The following FGFRL1 variants were observed in gnomAD, a reference collection of about 807,000 sequenced individuals.
FGFRL1 encodes fibroblast growth factor receptor-like 1.
FGFRL1 carries 24 observed loss-of-function variants against 36.8 expected under a neutral mutation model. The observed-to-expected ratio is 0.65, with a 90% confidence interval of 0.47 to 0.92. FGFRL1 has a LOEUF of 0.92. FGFRL1 is among the 40% of genes least tolerant of loss of function. The probability of loss-of-function intolerance (pLI) is 0.00; values close to 1 mark genes in which losing one functional copy is unlikely to be tolerated. For synonymous variants in FGFRL1, 422 were observed against 344.1 expected (o/e 1.23, Z -2.50); for missense variants, 785 against 753.4 (o/e 1.04, Z -0.49).
chr4:1,011,595 TC>T (rs201624016), upstream of FGFRL1, among the ~76,000 whole-genome samples: 11 of 11,894 alleles, frequency 9.2e-4, no homozygotes, highest in Admixed American at 3.2e-3. Context: ...CGGGGGCGGG[TC>T]GGGGGTCCGG....
At position 1,023,711 on chromosome 4, in the gene FGFRL1, C is replaced by T; in HGVS notation, c.423C>T (p.Ser141=). The T allele has an allele frequency of 6.3e-7, 1 of 1,587,150 alleles. No homozygotes were observed. The highest frequency in any genetic ancestry group is 8.6e-7 in the Non-Finnish European group (1 of 1,168,904). ...SSSGGQEDPA[S]QQWARPRFTQ... ...CTGGGGGTCAAGAGGACCCCGCCAG[C>T]CAGCAGTGGGGTGAGCAGGGGGTGA... Residue 141 remains serine (S), a synonymous_variant, in exon 4 of 7, where the codon AGC becomes AGT. Coordinates refer to ENST00000510644, the MANE Select transcript of FGFRL1 (RefSeq NM_001004356.3). This position sits in a 1 kb window ranked among gnomAD's most constrained non-coding sequence, Gnocchi z 6.0.
At position 1,023,561 on chromosome 4, in the gene FGFRL1, C is replaced by G; in HGVS notation, c.353-80C>G. ...GCTGTCCCGGCTGGGGCTGGGGGAG[C>G]TAGAGGCCACGGGGGAGTTGGGGGA... is the stretch of plus-strand genomic sequence containing the variant. On this transcript the variant is annotated intron_variant, in intron 3 of 6. Coordinates refer to ENST00000510644, the MANE Select transcript of FGFRL1 (RefSeq NM_001004356.3). This position sits in a 1 kb window ranked among gnomAD's most constrained non-coding sequence, Gnocchi z 6.0. The G allele has an allele frequency of 1.5e-6, 2 of 1,344,972 alleles. No homozygotes were observed. The highest frequency in any genetic ancestry group is 1.3e-5 in the South Asian group (1 of 79,922). The allele number at this position is 1,344,972 out of a possible 1,614,324, so 83.3% of individuals were successfully genotyped here.
chr4:1,022,286 G>T lies in FGFRL1; in HGVS notation c.163G>T (p.Gly55Trp), dbSNP rs1475937181. Residue 55 changes from glycine (G) to tryptophan (W), a missense_variant, in exon 3 of 7, where the codon GGG (glycine) becomes TGG (tryptophan). Coordinates refer to ENST00000510644, the MANE Select transcript of FGFRL1 (RefSeq NM_001004356.3). The part of the protein sequence containing the change: ...RTVRLQCPVE[G>W]DPPPLTMWTK... ...TGTGCGGCTGCAGTGCCCAGTGGAGGGGGACCCGCCGCCGCTGACCATGTG... is the reference window on the plus strand; with the variant it reads ...TGTGCGGCTGCAGTGCCCAGTGGAGTGGGACCCGCCGCCGCTGACCATGTG... 6.3e-7 allele frequency: 1 copy of T among 1,591,314 alleles called. No individual in the cohort carries two copies. The highest frequency in any genetic ancestry group is 8.5e-7 in the Non-Finnish European group (1 of 1,170,474).
intron 2 of FGFRL1, among the ~76,000 whole-genome samples, chr4:1,013,442 A>C (rs1715716245): frequency 6.6e-6 from 1 of 152,212 alleles, no homozygotes; most frequent in African/African-American, 2.4e-5. Context: ...GCCGCCCAGC[A>C]AGCGCGCCGC....
chr4:1,019,629 C>G (rs113451559), intron 2 of FGFRL1, among the ~76,000 whole-genome samples: 10 of 152,322 alleles, frequency 6.6e-5, no homozygotes, highest in Admixed American at 2.0e-4. Flanking sequence ...AGAGCTGCCC[C>G]CAGCCCTGGG....
intron 2 of FGFRL1, among the ~76,000 whole-genome samples, chr4:1,013,036 A>G (rs1358995659): frequency 6.6e-6 from 1 of 150,998 alleles, no homozygotes; most frequent in Non-Finnish European, 1.5e-5. Context: ...TGACCCCCAG[A>G]CCCCCAGTCC....
At chr4:1,012,585 C>T (rs749805497) in intron 2 of FGFRL1, 21 bp downstream of exon 2, 6 of 1,235,670 alleles carry the variant, frequency 4.9e-6, no homozygotes, top group African/African-American at 1.6e-5. Context: ...GCGCCCAGCC[C>T]GGCCAGCCTG....
At position 1,012,521 on chromosome 4, in the gene FGFRL1, G is replaced by A. The variant is rs1299284991; in HGVS notation, c.36G>A (p.Pro12=). The A allele has an allele frequency of 1.3e-6, 2 of 1,545,890 alleles. No individual in the cohort carries two copies. Among genetic ancestry groups the A allele is most frequent in the Non-Finnish European group, 8.7e-7 (1 of 1,150,972 alleles). The change falls in exon 2 of 7, where the codon CCG becomes CCA. Residue 12 remains proline (P), a synonymous_variant. Coordinates refer to ENST00000510644, the MANE Select transcript of FGFRL1 (RefSeq NM_001004356.3). ...GCCCCCTGTTGCTGCTCCTGCTGCCGCCGCTGCTGCTGGGGGCCTTCCCGC... is the reference window on the plus strand; with the variant it reads ...GCCCCCTGTTGCTGCTCCTGCTGCCACCGCTGCTGCTGGGGGCCTTCCCGC... ...TPSPLLLLLL[P]PLLLGAFPPA...
chr4:1,025,235 C>G lies in FGFRL1; in HGVS notation c.1403C>G (p.Pro468Arg), dbSNP rs1455000839. 6.2e-7 allele frequency: 1 copy of G among 1,609,034 alleles called. No homozygotes were observed. The highest frequency in any genetic ancestry group is 8.5e-7 in the Non-Finnish European group (1 of 1,178,268). Reference protein sequence around the residue: ...HLLGPGPVAGPKLYPKLYTDI... With the variant: ...HLLGPGPVAGRKLYPKLYTDI... ...CTGGGCCCAGGCCCAGTTGCTGGCC[C>G]TAAGTTGTACCCCAAACTCTACACA... is the stretch of plus-strand genomic sequence containing the variant. Residue 468 changes from proline (P) to arginine (R), a missense_variant, in exon 7 of 7, where the codon CCT becomes CGT. Coordinates refer to ENST00000510644, the MANE Select transcript of FGFRL1 (RefSeq NM_001004356.3).
Position 1,025,579 on chromosome 4 carries a change from G to A in FGFRL1, c.*232G>A, listed in dbSNP as rs1251106294. 9.9e-6 allele frequency: 6 copies of A among 607,204 alleles called. No homozygotes were observed. The highest frequency in any genetic ancestry group is 4.1e-5 in the South Asian group (2 of 48,674). The allele number at this position is 607,204 out of a possible 1,614,324, so 37.6% of individuals were successfully genotyped here. ...GCACACGTGCTCCCTGAAGGCACAC[G>A]TACGCACACACGCACATGCACAGAT... On this transcript the variant is annotated 3_prime_UTR_variant, in exon 7 of 7. Transcript: ENST00000510644.
At position 1,012,454 on chromosome 4, in the gene FGFRL1, C is replaced by A; in HGVS notation, c.-16-16C>A. On this transcript the variant is annotated splice_polypyrimidine_tract_variant and intron_variant, in intron 1 of 6. Transcript: ENST00000510644. The stretch of plus-strand genomic sequence containing the variant: ...CCAGTTCCACGTGTTAGTGACGGCG[C>A]CCCCAATGTCCCCAGGTCCGGACAG... 1.9e-6 allele frequency: 3 copies of A among 1,575,302 alleles called. No homozygotes were observed. The highest frequency in any genetic ancestry group is 2.6e-6 in the Non-Finnish European group (3 of 1,165,064).
At position 1,022,423 on chromosome 4, in the gene FGFRL1, G is replaced by A. The variant is rs147343114; in HGVS notation, c.300G>A (p.Lys100=). The change falls in exon 3 of 7, where the codon AAG becomes AAA. Residue 100 remains lysine, a synonymous_variant. Coordinates refer to ENST00000510644, the MANE Select transcript of FGFRL1 (RefSeq NM_001004356.3). ...AGGATGCCGGCGTGTACGTGTGCAAGGCCACCAACGGCTTCGGCAGCCTGA... is the reference window on the plus strand; with the variant it reads ...AGGATGCCGGCGTGTACGTGTGCAAAGCCACCAACGGCTTCGGCAGCCTGA... The part of the protein sequence containing the change: ...EREDAGVYVC[K]ATNGFGSLSV... 4.3e-6 allele frequency: 7 copies of A among 1,610,780 alleles called. No individual in the cohort carries two copies. The African/African-American group carries it at 9.3e-5, about 22-fold the overall frequency.
In FGFRL1 at chr4:1,024,590, C is replaced by T. The variant is rs756543798; in HGVS notation, c.998C>T (p.Ala333Val). ...LLITRARQDD[A>V]GMYICLGANT... Reference sequence around the variant, plus strand: ...ATCACCCGTGCCCGCCAGGACGATGCGGGCATGTACATCTGCCTTGGCGCC... The same window carrying T: ...ATCACCCGTGCCCGCCAGGACGATGTGGGCATGTACATCTGCCTTGGCGCC... Residue 333 changes from alanine to valine, a missense_variant, in exon 6 of 7, where the codon GCG (alanine) becomes GTG (valine). Transcript: ENST00000510644. 9.9e-6 allele frequency: 16 copies of T among 1,612,138 alleles called. No homozygotes were observed. Among genetic ancestry groups the T allele is most frequent in the Admixed American group, 5.0e-5 (3 of 59,986 alleles).
At chr4:1,015,731 C>T (rs1027674729) in intron 2 of FGFRL1, among the ~76,000 whole-genome samples, 4 of 152,330 alleles carry the variant, frequency 2.6e-5, no homozygotes, top group African/African-American at 4.8e-5. Flanking sequence ...TTGTGTGTGG[C>T]GTGGGGCCCG....
In FGFRL1 at chr4:1,025,925, TATG is replaced by T; in HGVS notation, c.*579_*581del. 6.1e-6 allele frequency: 1 copy of T among 162,672 alleles called. No homozygotes were observed. The highest frequency in any genetic ancestry group is 1.3e-5 in the Non-Finnish European group (1 of 75,506). The allele number at this position is 162,672 out of a possible 1,614,324, so 10.1% of individuals were successfully genotyped here. ...GTCTGGACACGCACACACATGCAGA[TATG>T]CTGCCTGGACACACACTTCCAGACA... On this transcript the variant is annotated 3_prime_UTR_variant, in exon 7 of 7. Transcript: ENST00000510644.
chr4:1,015,188 C>G (rs1577557848), intron 2 of FGFRL1, among the ~76,000 whole-genome samples: 1 of 152,216 alleles, frequency 6.6e-6, no homozygotes, highest in Admixed American at 6.5e-5. Flanking sequence ...CTGCTCGGCC[C>G]AGGGTGGACT....
At chr4:1,018,442 G>A (rs1716007559) in intron 2 of FGFRL1, among the ~76,000 whole-genome samples, 1 of 152,204 alleles carries the variant, frequency 6.6e-6, no homozygotes, top group African/African-American at 2.4e-5. Flanking sequence ...TGACAGCAGT[G>A]AGGCCCTGTC....
intron 6 of FGFRL1, 118 bp from the exon 7 acceptor site, chr4:1,024,787 G>A (rs1207570167): frequency 7.1e-7 from 1 of 1,401,452 alleles, no homozygotes; most frequent in Non-Finnish European, 9.5e-7. Context: ...CAGGTCATCT[G>A]CCGAGGGAGG....
Position 1,023,155 on chromosome 4 carries a change from TCA to T in FGFRL1, c.353-483_353-482del, listed in dbSNP as rs1716289329. ...CCTGGGCTCAGTGAAGGAGCGGCTG[TCA>T]CAGGGTGGATGGAGGGGACATTCCA... On this transcript the variant is annotated intron_variant, in intron 3 of 6. Coordinates refer to ENST00000510644, the MANE Select transcript of FGFRL1 (RefSeq NM_001004356.3). This position sits in a 1 kb window ranked among gnomAD's most constrained non-coding sequence, Gnocchi z 6.0. Among the ~76,000 whole-genome samples, 1 of 152,010 alleles carries T rather than the reference TCA, an allele frequency of 6.6e-6. No individual in the cohort carries two copies. The highest frequency in any genetic ancestry group is 2.4e-5 in the African/African-American group (1 of 41,386).
Sources: gnomAD v4.1 joint callset for allele counts (sites outside exome capture counted in the v4.1 genomes callset) on GRCh38, gnomAD v4.1.1 for gene constraint, Gnocchi (gnomAD v3.1) non-coding constraint, MANE v1.5 for transcripts, NCBI Gene and HGNC (gene_info 2026-07-23, HGNC 2026-07-21) for gene names.